Variants in ERBB4 observed in about 807,000 individuals in gnomAD.
ERBB4 encodes the protein erb-b2 receptor tyrosine kinase 4.
Under a neutral mutation model 158.0 loss-of-function variants are expected in ERBB4, and 42 were observed. The ratio of observed to expected loss-of-function variants is 0.27; its 90% CI spans 0.21 to 0.34. The LOEUF (loss-of-function observed/expected upper bound fraction) is 0.34, where lower values mean the gene tolerates loss of function less well. Ranked by LOEUF, ERBB4 falls within the 10% of genes least tolerant of loss-of-function variation. The pLI is 1.00. For synonymous variants in ERBB4, 583 were observed against 558.7 expected, an observed-to-expected ratio of 1.04 and a Z score of -0.61; for missense variants, 1,333 against 1,624.1, an observed-to-expected ratio of 0.82 and a Z score of 3.08.
chr2:211,625,334 G>A (rs1372766615), intron 17 of ERBB4, among the ~76,000 whole-genome samples: 4 of 152,116 alleles, frequency 2.6e-5, no homozygotes, highest in Admixed American at 6.5e-5. Context: ...CCAAAGCTAA[G>A]TGCACTGTGG....
intron 12 of ERBB4, among the ~76,000 whole-genome samples, chr2:211,684,512 G>A (rs1382774270): frequency 6.6e-6 from 1 of 152,024 alleles, no homozygotes; most frequent in Non-Finnish European, 1.5e-5. Context: ...CAAGCTTGCA[G>A]GACACACATC....
chr2:212,114,739 C>T (rs1290354697), intron 2 of ERBB4, among the ~76,000 whole-genome samples: 1 of 152,160 alleles, frequency 6.6e-6, no homozygotes, highest in Non-Finnish European at 1.5e-5. Context: ...CAGCCATTGA[C>T]TGCCTCTTAA....
At position 212,122,787 on chromosome 2, in the gene ERBB4, A is replaced by C. The variant is rs147334376; in HGVS notation, c.234+1965T>G. On this transcript the variant is annotated intron_variant, in intron 2 of 27. Transcript: ENST00000342788. ...CCATAAGAATTATTATAAAATATAT[A>C]AAAAGACATTTTTATATATTATTTA... 1.0e-2 allele frequency among the ~76,000 whole-genome samples: 1,496 copies of C among 150,264 alleles called. 17 individuals carry two copies. Among genetic ancestry groups the C allele is most frequent in the African/African-American group, 0.034 (1,420 of 41,384 alleles).
chr2:212,097,216 C>A (rs2078957646), intron 2 of ERBB4, among the ~76,000 whole-genome samples: 1 of 152,036 alleles, frequency 6.6e-6, no homozygotes, highest in South Asian at 2.1e-4. Context: ...ATAATTTCAT[C>A]ATTGTTGTAA....
chr2:211,990,432 A>C (rs903488776), intron 2 of ERBB4, among the ~76,000 whole-genome samples: 1 of 151,918 alleles, frequency 6.6e-6, no homozygotes, highest in African/African-American at 2.4e-5. Flanking sequence ...ATAACTGTAC[A>C]TTTGTCACAA....
intron 4 of ERBB4, among the ~76,000 whole-genome samples, chr2:211,759,808 T>A (rs921952940): frequency 4.6e-4 from 9 of 19,502 alleles, no homozygotes; most frequent in Non-Finnish European, 4.9e-4. Context: ...TTTTCTAGAG[T>A]GTGTGTGTGT....
chr2:211,909,714 T>A (rs79689172), intron 3 of ERBB4, among the ~76,000 whole-genome samples: 1 of 151,560 alleles, frequency 6.6e-6, no homozygotes, highest in Non-Finnish European at 1.5e-5. Flanking sequence ...TTGATGAAAA[T>A]GTTGTTAGGT....
intron 2 of ERBB4, among the ~76,000 whole-genome samples, chr2:212,124,424 A>G (rs1288075274): frequency 1.3e-5 from 2 of 152,132 alleles, no homozygotes; most frequent in African/African-American, 2.4e-5. Flanking sequence ...AGAGTTATCA[A>G]TTGTTATCTG....
At chr2:212,207,041 T>A (rs535688776) in intron 1 of ERBB4, among the ~76,000 whole-genome samples, 1 of 151,930 alleles carries the variant, frequency 6.6e-6, no homozygotes, top group South Asian at 2.1e-4. Context: ...TAAGCACAAT[T>A]AAGTAGACTG....
intron 1 of ERBB4, among the ~76,000 whole-genome samples, chr2:212,310,904 T>G (rs1369038830): frequency 6.6e-6 from 1 of 150,558 alleles, no homozygotes; most frequent in Non-Finnish European, 1.5e-5. Context: ...ATTTAATATA[T>G]CCACATAAAA....
At chr2:212,535,209 A>G (rs1360637514) in intron 1 of ERBB4, among the ~76,000 whole-genome samples, 1 of 152,118 alleles carries the variant, frequency 6.6e-6, no homozygotes, top group Non-Finnish European at 1.5e-5. Flanking sequence ...TGAAGAAAAA[A>G]ATAACACCTT....
At position 211,580,803 on chromosome 2, in the gene ERBB4, TATATATATA is replaced by T. The variant is rs1166869236; in HGVS notation, c.2302-18724_2302-18716del. On this transcript the variant is annotated intron_variant, in intron 19 of 27. Coordinates refer to ENST00000342788, the MANE Select transcript of ERBB4 (RefSeq NM_005235.3). The stretch of plus-strand genomic sequence containing the variant: ...AGAAATTGTGATATATATATATATA[TATATATATA>T]ATATATATATATTATATATATAGAT... Among the ~76,000 whole-genome samples, 44 of 63,236 alleles carry T rather than the reference TATATATATA, an allele frequency of 7.0e-4. 3 individuals are homozygous for T. The African/African-American group carries it at 7.2e-3, about 10-fold the overall frequency. The allele number at this position is 63,236 out of a possible 152,430, so 41.5% of individuals were successfully genotyped here.
chr2:211,657,140 C>T (rs2071245127), intron 16 of ERBB4, among the ~76,000 whole-genome samples: 1 of 151,998 alleles, frequency 6.6e-6, no homozygotes, highest in Non-Finnish European at 1.5e-5. Flanking sequence ...TTGTAATCAT[C>T]TATTGAATTA....
In ERBB4 at chr2:211,939,390, A is replaced by AT. The variant is rs550998240; in HGVS notation, c.421+8039dup. ...CATTACAGGGCTGTGTCTGAAACAG[A>AT]TTTTTTTTTTTTTGAAAGGAACTGA... On this transcript the variant is annotated intron_variant, in intron 3 of 27. Coordinates refer to ENST00000342788, the MANE Select transcript of ERBB4 (RefSeq NM_005235.3). Among the ~76,000 whole-genome samples, 1,406 of 146,714 alleles carry AT rather than the reference A, an allele frequency of 9.6e-3. 31 individuals are homozygous for AT. Among genetic ancestry groups the AT allele is most frequent in the African/African-American group, 0.024 (986 of 40,248 alleles).
At chr2:212,471,486 T>C (rs577808164) in intron 1 of ERBB4, among the ~76,000 whole-genome samples, 1 of 151,896 alleles carries the variant, frequency 6.6e-6, no homozygotes, top group Non-Finnish European at 1.5e-5. Flanking sequence ...TAAATCGAGA[T>C]CTCTGCAACA....
chr2:212,339,339 AATCTTGCTCATT>A (rs1378534309), intron 1 of ERBB4, among the ~76,000 whole-genome samples: 1 of 152,170 alleles, frequency 6.6e-6, no homozygotes, highest in Non-Finnish European at 1.5e-5. Flanking sequence ...CAAAGGACAT[AATCTTGCTCATT>A]ATTTAAAAGA....
chr2:211,645,842 A>G (rs1421152326), intron 16 of ERBB4, among the ~76,000 whole-genome samples: 1 of 151,770 alleles, frequency 6.6e-6, no homozygotes, highest in East Asian at 1.9e-4. Context: ...TTGAATAGCA[A>G]TTCACATATA....
intron 9 of ERBB4, among the ~76,000 whole-genome samples, chr2:211,706,720 C>T (rs1362178903): frequency 2.0e-5 from 3 of 151,866 alleles, no homozygotes; most frequent in Non-Finnish European, 2.9e-5. Context: ...GGCTCAAATA[C>T]TGGATATTGC....
At chr2:211,496,146 T>C (rs957118190) in intron 20 of ERBB4, among the ~76,000 whole-genome samples, 2 of 152,086 alleles carry the variant, frequency 1.3e-5, no homozygotes, top group African/African-American at 4.8e-5. Context: ...TCCTTATCTC[T>C]CTATCATCCT....
Sources: gnomAD v4.1 joint callset for allele counts (sites outside exome capture counted in the v4.1 genomes callset) on GRCh38, gnomAD v4.1.1 for gene constraint, MANE v1.5 for transcripts, NCBI Gene and HGNC (gene_info 2026-07-23, HGNC 2026-07-21) for gene names.